The following FAM13A variants were observed in gnomAD, a reference collection of about 807,000 sequenced individuals.
FAM13A encodes the protein family with sequence similarity 13 member A.
In FAM13A, 76 loss-of-function variants were observed where a neutral mutation model predicts 129.6. The ratio of observed to expected loss-of-function variants is 0.59; its 90% confidence interval spans 0.49 to 0.71. The LOEUF (loss-of-function observed/expected upper bound fraction) is 0.71. FAM13A is among the 30% of genes least tolerant of loss of function. The pLI is 0.00. For synonymous variants in FAM13A, 443 were observed against 449.9 expected (o/e 0.98, Z 0.20); for missense variants, 1,108 against 1,249.3 (o/e 0.89, Z 1.70).
At chr4:88,773,933 T>C (rs2149577613) in intron 11 of FAM13A, among the ~76,000 whole-genome samples, 1 of 152,282 alleles carries the variant, frequency 6.6e-6, no homozygotes, top group East Asian at 1.9e-4. Context: ...CCTCTGTGGC[T>C]CCTTATCCTA....
chr4:88,825,869 T>C (rs945287804), intron 7 of FAM13A, among the ~76,000 whole-genome samples: 3 of 152,166 alleles, frequency 2.0e-5, no homozygotes, highest in Admixed American at 1.3e-4. Flanking sequence ...AATAACTACA[T>C]GCTTTTTCCA....
At chr4:88,888,240 A>G (rs1403484452) in intron 6 of FAM13A, among the ~76,000 whole-genome samples, 1 of 152,208 alleles carries the variant, frequency 6.6e-6, no homozygotes, top group Non-Finnish European at 1.5e-5. Flanking sequence ...AATCAATTTA[A>G]CAGCACATAT....
intron 3 of FAM13A, among the ~76,000 whole-genome samples, chr4:88,996,772 A>G (rs1429751412): frequency 1.3e-5 from 2 of 152,084 alleles, no homozygotes; most frequent in Non-Finnish European, 2.9e-5. Flanking sequence ...AAATCTATAA[A>G]CTGGCAAATA....
At chr4:89,055,411 T>G (rs1772100124) in intron 1 of FAM13A, among the ~76,000 whole-genome samples, 1 of 152,202 alleles carries the variant, frequency 6.6e-6, no homozygotes, top group African/African-American at 2.4e-5. Flanking sequence ...CACTGTGTGA[T>G]TTTTATGTCA....
intron 7 of FAM13A, among the ~76,000 whole-genome samples, chr4:88,809,833 A>G (rs1269758321): frequency 1.3e-5 from 2 of 151,478 alleles, no homozygotes; most frequent in African/African-American, 4.8e-5. Flanking sequence ...TTTGGTCCCA[A>G]TCAAGAACAT....
intron 3 of FAM13A, among the ~76,000 whole-genome samples, chr4:89,007,125 AT>A (rs1318525814): frequency 1.3e-5 from 2 of 152,174 alleles, no homozygotes; most frequent in Non-Finnish European, 2.9e-5. Context: ...CATTATCTCC[AT>A]TTAACAGGGA....
chr4:88,975,755 C>G (rs752521022), intron 4 of FAM13A, among the ~76,000 whole-genome samples: 8 of 152,194 alleles, frequency 5.3e-5, no homozygotes, highest in Non-Finnish European at 1.2e-4. Flanking sequence ...TCTGTGCACA[C>G]ATGGGCCACA....
chr4:88,831,911 C>A (rs1036290799), intron 7 of FAM13A, among the ~76,000 whole-genome samples: 2 of 151,894 alleles, frequency 1.3e-5, no homozygotes, highest in Non-Finnish European at 2.9e-5. Context: ...CATATGGAAC[C>A]AAAGAAGACC....
At chr4:88,963,058 T>C (rs1340522840) in intron 4 of FAM13A, among the ~76,000 whole-genome samples, 2 of 152,196 alleles carry the variant, frequency 1.3e-5, no homozygotes, top group Non-Finnish European at 2.9e-5. Flanking sequence ...TTTTTTCTTT[T>C]TGCCTTTTTG....
chr4:88,811,594 C>A (rs1166424236), intron 7 of FAM13A, among the ~76,000 whole-genome samples: 2 of 135,878 alleles, frequency 1.5e-5, no homozygotes, highest in African/African-American at 5.6e-5. Context: ...GAACAGAGTT[C>A]TTAAGTGGGG....
chr4:88,837,435 G>A (rs953789941), intron 7 of FAM13A, among the ~76,000 whole-genome samples: 2 of 149,906 alleles, frequency 1.3e-5, no homozygotes, highest in African/African-American at 4.9e-5. Context: ...GTCAGCCTTT[G>A]CCGGGCACGG....
chr4:88,954,312 T>C (rs182848435), intron 4 of FAM13A, among the ~76,000 whole-genome samples: 1 of 152,354 alleles, frequency 6.6e-6, no homozygotes, highest in Non-Finnish European at 1.5e-5. Context: ...AGCCCAGAGA[T>C]GCATAGGAGA....
At chr4:88,741,659 A>G (rs1453397847) in intron 19 of FAM13A, among the ~76,000 whole-genome samples, 10 of 152,172 alleles carry the variant, frequency 6.6e-5, no homozygotes, top group Admixed American at 6.5e-4. Context: ...AGCATCCCAA[A>G]TCTGAAAATC....
chr4:88,788,273 TC>T (rs1290776963), intron 9 of FAM13A, among the ~76,000 whole-genome samples: 10 of 152,162 alleles, frequency 6.6e-5, no homozygotes, highest in Non-Finnish European at 1.3e-4. Flanking sequence ...TTTTTTGCCC[TC>T]ATAGAATAAT....
chr4:88,981,373 C>T (rs1009275289), intron 4 of FAM13A, among the ~76,000 whole-genome samples: 3 of 152,248 alleles, frequency 2.0e-5, no homozygotes, highest in African/African-American at 7.2e-5. Context: ...ATCAATATCA[C>T]TTAATCAGAT....
chr4:88,808,959 A>G (rs1729112489), intron 7 of FAM13A, among the ~76,000 whole-genome samples: 1 of 152,154 alleles, frequency 6.6e-6, no homozygotes, highest in East Asian at 1.9e-4. Flanking sequence ...AAGAATGCCA[A>G]TAACTTAGAT....
intron 5 of FAM13A, among the ~76,000 whole-genome samples, chr4:88,922,425 A>G (rs1347197680): frequency 6.6e-6 from 1 of 152,182 alleles, no homozygotes; most frequent in Admixed American, 6.5e-5. Context: ...CTACATGGAA[A>G]CTGAACAACC....
chr4:88,831,987 T>C (rs1397504808), intron 7 of FAM13A, among the ~76,000 whole-genome samples: 1 of 152,094 alleles, frequency 6.6e-6, no homozygotes, highest in Non-Finnish European at 1.5e-5. Context: ...CCTGAGTTTA[T>C]ACTACAAGGC....
intron 1 of FAM13A, among the ~76,000 whole-genome samples, chr4:89,052,619 C>T (rs1338173235): frequency 6.6e-6 from 1 of 151,830 alleles, no homozygotes; most frequent in South Asian, 2.1e-4. Flanking sequence ...GTAATTCTTC[C>T]GTTATCTTGG....
Sources: allele counts gnomAD v4.1 joint callset (sites outside exome capture counted in the v4.1 genomes callset), GRCh38; gene constraint gnomAD v4.1.1; transcripts MANE v1.5; gene names NCBI Gene and HGNC (gene_info 2026-07-23, HGNC 2026-07-21).